ELOA: variants seen among roughly 807,000 people sequenced by gnomAD.
The protein encoded by ELOA is elongin-A.
In ELOA, 15 loss-of-function variants were observed where a neutral mutation model predicts 85.2. That is an observed-to-expected ratio of 0.18 (90% CI 0.12 to 0.27). ELOA has a LOEUF of 0.27. Ranked by LOEUF, ELOA falls within the 10% of genes least tolerant of loss-of-function variation. The pLI is 1.00. For synonymous variants in ELOA, 348 were observed against 357.2 expected, an observed-to-expected ratio of 0.97 and a Z score of 0.29; for missense variants, 769 against 952.7, an observed-to-expected ratio of 0.81 and a Z score of 2.54.
chr1:23,758,266 T>TTTTTTTA (rs1638236828), intron 10 of ELOA, among the ~76,000 whole-genome samples: 5 of 82,500 alleles, frequency 6.1e-5, no homozygotes, highest in Non-Finnish European at 1.2e-4. Context: ...TTTATTTTTT[T>TTTTTTTA]TTTTTTTTTT....
chr1:23,758,572 C>T (rs571910731), intron 10 of ELOA, among the ~76,000 whole-genome samples: 20 of 148,242 alleles, frequency 1.3e-4, no homozygotes, highest in African/African-American at 4.0e-4. Context: ...CATGCCTGGC[C>T]GGGTCTTCCA....
chr1:23,743,664 G>GGGGGCTGGGACCCTGAGCCAGGCCCCGC, intron 1 of ELOA, 86 bp downstream of exon 1: 2 of 1,357,118 alleles, frequency 1.5e-6, no homozygotes, highest in Non-Finnish European at 1.9e-6. Flanking sequence ...GGCGGGGTTC[G>GGGGGCTGGGACCCTGAGCCAGGCCCCGC]GGGGCTGGGA....
In ELOA at chr1:23,751,295, G is replaced by T; in HGVS notation, c.690G>T (p.Leu230=). The part of the protein sequence containing the change: ...DRLGASQERH[L]GEPHGKGVVS... ...TCGGGGCCAGCCAAGAACGACACCTGGGTGAACCCCATGGGAAAGGGGTTG... is the reference window on the plus strand; with the variant it reads ...TCGGGGCCAGCCAAGAACGACACCTTGGTGAACCCCATGGGAAAGGGGTTG... The change falls in exon 4 of 11, where the codon CTG becomes CTT. Residue 230 remains leucine (L), a synonymous_variant. Transcript: ENST00000613537. The T allele has an allele frequency of 1.2e-6, 2 of 1,614,220 alleles. No individual in the cohort carries two copies. The highest frequency in any genetic ancestry group is 1.7e-6 in the Non-Finnish European group (2 of 1,180,042).
intron 1 of ELOA, among the ~76,000 whole-genome samples, chr1:23,745,026 G>A (rs1644740395): frequency 6.6e-6 from 1 of 152,148 alleles, no homozygotes; most frequent in African/African-American, 2.4e-5. Flanking sequence ...TCCAAAGGCC[G>A]TACACAGCCT....
rs926917184 is a variant in ELOA, at chr1:23,754,236, A to T, written c.1674A>T (p.Val558=). ...MMTLHQQCIR[V]LKNNIDSIFE... ...CCTTGCACCAGCAATGCATCCGAGT[A>T]CTTAAAAACAACATCGATTGTAAGT... Residue 558 remains valine, a synonymous_variant, in exon 6 of 11, where the codon GTA becomes GTT. Coordinates refer to ENST00000613537, the MANE Select transcript of ELOA (RefSeq NM_003198.3). The T allele has an allele frequency of 2.5e-6, 4 of 1,614,072 alleles. No individual in the cohort carries two copies. In the African/African-American group the frequency reaches 5.3e-5, roughly 22 times the overall value.
Position 23,751,575 on chromosome 1 carries a change from C to A in ELOA, c.970C>A (p.His324Asn). 1 of 1,614,174 alleles carries A rather than the reference C, an allele frequency of 6.2e-7. No individual in the cohort carries two copies. Among genetic ancestry groups the A allele is most frequent in the Non-Finnish European group, 8.5e-7 (1 of 1,180,038 alleles). ...LPPSEAASDN[H>N]LKKPKHRDPE... ...TCCCTCAGAGGCCGCTTCAGACAAC[C>A]ACCTGAAAAAGCCAAAGCACAGAGA... Residue 324 changes from histidine (H) to asparagine (N), a missense_variant, in exon 4 of 11, where the codon CAC becomes AAC. His to Asn is a moderately conservative substitution (Grantham distance 68). Transcript: ENST00000613537.
At position 23,751,979 on chromosome 1, in the gene ELOA, C is replaced by T. The variant is rs764199727; in HGVS notation, c.1374C>T (p.Asn458=). 1.2e-5 allele frequency: 19 copies of T among 1,608,492 alleles called. No individual in the cohort carries two copies. In the Admixed American group the frequency reaches 2.6e-4, roughly 22 times the overall value. ...LDSVQKLPKV[N]KTKSEKPAGA... Reference sequence around the variant, plus strand: ...CAGTTCAGAAATTACCCAAGGTGAACAAAACCAAGTCAGAGAAGCCGGCTG... The same window carrying T: ...CAGTTCAGAAATTACCCAAGGTGAATAAAACCAAGTCAGAGAAGCCGGCTG... The change falls in exon 4 of 11, where the codon AAC becomes AAT. Residue 458 remains asparagine, a synonymous_variant. Transcript: ENST00000613537.
intron 7 of ELOA, among the ~76,000 whole-genome samples, chr1:23,755,452 G>A (rs1041059195): frequency 6.6e-5 from 10 of 152,000 alleles, no homozygotes; most frequent in African/African-American, 2.2e-4. Flanking sequence ...AAAAATTTTT[G>A]GGAAACTGGT....
At position 23,761,463 on chromosome 1, in the gene ELOA, A is replaced by G. The variant is rs977210594; in HGVS notation, c.*1890A>G. 1.3e-5 allele frequency: 2 copies of G among 152,178 alleles called. No individual in the cohort carries two copies. Among genetic ancestry groups the G allele is most frequent in the African/African-American group, 2.4e-5 (1 of 41,448 alleles). 9.4% of individuals were successfully genotyped at this position (152,178 alleles called of 1,614,324 possible). A position where few individuals can be genotyped will look rare whatever the true frequency, so the allele number is the denominator to read the frequency against. On this transcript the variant is annotated 3_prime_UTR_variant, in exon 11 of 11. Transcript: ENST00000613537. ...CTTAGATTCAGTTGTGTATGATTTAATGTCCCTTATTAGGAGTCTTTAGGC... is the reference window on the plus strand; with the variant it reads ...CTTAGATTCAGTTGTGTATGATTTAGTGTCCCTTATTAGGAGTCTTTAGGC...
At chr1:23,750,170 CTTTT>C (rs747972246) in intron 3 of ELOA, among the ~76,000 whole-genome samples, 1,878 of 90,360 alleles carry the variant, frequency 0.021, 15 homozygotes, top group African/African-American at 0.071. Context: ...TGGTACGTTT[CTTTT>C]TTTTTTTTTT....
chr1:23,757,436 T>C (rs1644799885), intron 10 of ELOA, among the ~76,000 whole-genome samples: 1 of 152,130 alleles, frequency 6.6e-6, no homozygotes, highest in Non-Finnish European at 1.5e-5. Context: ...TGAGACCCTC[T>C]ACAAAAAATT....
chr1:23,746,204 C>G (rs1306215082), intron 1 of ELOA, among the ~76,000 whole-genome samples: 2 of 150,208 alleles, frequency 1.3e-5, no homozygotes, highest in African/African-American at 4.9e-5. Context: ...CAGGAGAACA[C>G]TCGAACCCGG....
rs1638282213 is a variant in ELOA at position 23,760,781 on chromosome 1, A to G, written c.*1208A>G. On this transcript the variant is annotated 3_prime_UTR_variant, in exon 11 of 11. Transcript: ENST00000613537. ...GGGAGAGTGTCTGAGCCACAGCGTC[A>G]GGATGGGGGAAACCACATGGGATCC... is the stretch of plus-strand genomic sequence containing the variant. 6.6e-6 allele frequency: 1 copy of G among 152,202 alleles called. No individual in the cohort carries two copies. The highest frequency in any genetic ancestry group is 1.5e-5 in the Non-Finnish European group (1 of 68,060). The allele number at this position is 152,202 out of a possible 1,614,324, so 9.4% of individuals were successfully genotyped here.
Position 23,759,844 on chromosome 1 carries a change from C to G in ELOA, c.*271C>G. ...TTATACTTTTGTTGTTCATTAGCATCTTTGTAAACTATAAGACGTAGTTTT... is the reference window on the plus strand; with the variant it reads ...TTATACTTTTGTTGTTCATTAGCATGTTTGTAAACTATAAGACGTAGTTTT... On this transcript the variant is annotated 3_prime_UTR_variant, in exon 11 of 11. Coordinates refer to ENST00000613537, the MANE Select transcript of ELOA (RefSeq NM_003198.3). 1 of 452,376 alleles carries G rather than the reference C, an allele frequency of 2.2e-6. No homozygotes were observed. The highest frequency in any genetic ancestry group is 4.0e-6 in the Non-Finnish European group (1 of 250,936). The allele number at this position is 452,376 out of a possible 1,614,324, so 28.0% of individuals were successfully genotyped here.
chr1:23,757,334 A>G (rs1189974751), intron 10 of ELOA, among the ~76,000 whole-genome samples: 2 of 152,180 alleles, frequency 1.3e-5, no homozygotes, highest in Non-Finnish European at 2.9e-5. Flanking sequence ...GTCTGGGTGC[A>G]GTGGCTCATG....
chr1:23,746,288 CA>C (rs35430836), intron 1 of ELOA, among the ~76,000 whole-genome samples: 6,082 of 120,256 alleles, frequency 0.051, 336 homozygotes, highest in African/African-American at 0.16. Flanking sequence ...AACTCCGTCT[CA>C]AAAAAAAAAA....
rs141362921 is a variant in ELOA, at chr1:23,760,986, T to C, written c.*1413T>C. ...GAACCTGACAAGCAGACTGAAGGGA[T>C]GGTAAGTGTGACAGCCTGATAAGTT... is the stretch of plus-strand genomic sequence containing the variant. On this transcript the variant is annotated 3_prime_UTR_variant, in exon 11 of 11. Transcript: ENST00000613537. 2.6e-5 allele frequency: 4 copies of C among 152,150 alleles called. No homozygotes were observed. The highest frequency in any genetic ancestry group is 7.2e-5 in the African/African-American group (3 of 41,488). 9.4% of individuals were successfully genotyped at this position (152,150 alleles called of 1,614,324 possible).
chr1:23,743,631 C>G, intron 1 of ELOA, 53 bp downstream of exon 1: 1 of 1,426,966 alleles, frequency 7.0e-7, no homozygotes, highest in Non-Finnish European at 9.2e-7. Flanking sequence ...GTGAGGGCCC[C>G]GTAACGGTCG....
intron 10 of ELOA, 36 bp from the exon 11 acceptor site, chr1:23,759,476 A>C: frequency 6.2e-7 from 1 of 1,612,774 alleles, no homozygotes; most frequent in Non-Finnish European, 8.5e-7. Context: ...AAGCCGCCAC[A>C]GATCTGAGAC....
Sources: gnomAD v4.1 joint callset for allele counts (sites outside exome capture counted in the v4.1 genomes callset) on GRCh38, gnomAD v4.1.1 for gene constraint, MANE v1.5 for transcripts, NCBI Gene and HGNC (gene_info 2026-07-23, HGNC 2026-07-21) for gene names.